Variants in SHTN1 observed in about 807,000 individuals in gnomAD.
SHTN1 encodes shootin 1.
In SHTN1, 42 loss-of-function variants were observed where a neutral mutation model predicts 83.1. The ratio of observed to expected loss-of-function variants is 0.51; its 90% CI spans 0.39 to 0.65. The LOEUF (loss-of-function observed/expected upper bound fraction) is 0.65, where lower values mean the gene tolerates loss of function less well. SHTN1 is among the 30% of genes least tolerant of loss of function. The pLI, the probability that SHTN1 is intolerant of heterozygous loss-of-function variation, is 0.00. For missense variants in SHTN1, 622 were observed against 737.8 expected (o/e 0.84, Z 1.82); for synonymous variants, 224 against 247.7 (o/e 0.90, Z 0.90).
At chr10:117,059,357 G>C (rs570768779) in intron 1 of SHTN1, among the ~76,000 whole-genome samples, 33 of 152,178 alleles carry the variant, frequency 2.2e-4, no homozygotes, top group Middle Eastern at 6.8e-3. Context: ...ATTGCACTCT[G>C]GGCATTTATT....
chr10:116,922,431 T>G (rs957345915), intron 11 of SHTN1, among the ~76,000 whole-genome samples: 2 of 151,928 alleles, frequency 1.3e-5, no homozygotes, highest in African/African-American at 2.4e-5. Flanking sequence ...AAAATATATG[T>G]ATCTTATGAG....
At chr10:116,994,423 T>G (rs987709183) in intron 1 of SHTN1, among the ~76,000 whole-genome samples, 36 of 152,084 alleles carry the variant, frequency 2.4e-4, no homozygotes, top group African/African-American at 8.4e-4. Context: ...AAACTAAAAT[T>G]TGGTCTTTTT....
At chr10:116,993,988 T>C (rs1851538861) in intron 1 of SHTN1, among the ~76,000 whole-genome samples, 1 of 152,166 alleles carries the variant, frequency 6.6e-6, no homozygotes, top group African/African-American at 2.4e-5. Context: ...TAGCAAGCTT[T>C]AAAAATTGTA....
chr10:116,969,072 T>C (rs1037561286), intron 2 of SHTN1, among the ~76,000 whole-genome samples: 1 of 152,238 alleles, frequency 6.6e-6, no homozygotes, highest in Non-Finnish European at 1.5e-5. Flanking sequence ...CTCATGTACA[T>C]GTCTGATTCC....
intron 1 of SHTN1, among the ~76,000 whole-genome samples, chr10:117,066,033 C>T (rs1852995842): frequency 6.6e-6 from 1 of 151,438 alleles, no homozygotes; most frequent in African/African-American, 2.4e-5. Flanking sequence ...CCACTGCACT[C>T]CAGCCTGGGC....
intron 1 of SHTN1, among the ~76,000 whole-genome samples, chr10:117,119,689 A>T (rs1361607451): frequency 6.6e-6 from 1 of 152,214 alleles, no homozygotes; most frequent in Admixed American, 6.5e-5. Flanking sequence ...AAAAGAAATC[A>T]GTACATCAAA....
At chr10:117,035,774 C>T (rs1403999246) in intron 2 of SHTN1, among the ~76,000 whole-genome samples, 2 of 151,148 alleles carry the variant, frequency 1.3e-5, no homozygotes, top group Non-Finnish European at 2.9e-5. Flanking sequence ...GGAGAAACCC[C>T]GTCTCTACTA....
intron 10 of SHTN1, among the ~76,000 whole-genome samples, chr10:116,928,923 TTA>T (rs1848848665): frequency 6.6e-6 from 1 of 152,204 alleles, no homozygotes. Context: ...GATTTGAACC[TTA>T]TATATTTCCA....
Position 117,104,388 on chromosome 10 carries a change from T to C in SHTN1, c.-189+21919A>G, listed in dbSNP as rs550342934. The stretch of plus-strand genomic sequence containing the variant: ...ATAGTTATTTGGGTACAAGAGTGTC[T>C]TCCTCCATTAGGGCTGTTCCTCAGC... On this transcript the variant is annotated intron_variant, in intron 1 of 17. Transcript: ENST00000392901. Among the ~76,000 whole-genome samples the C allele has an allele frequency of 7.0e-4, 107 of 152,330 alleles. 1 individual carries two copies. Among genetic ancestry groups the C allele is most frequent in the Middle Eastern group, 3.4e-3 (1 of 294 alleles).
intron 1 of SHTN1, among the ~76,000 whole-genome samples, chr10:117,052,222 G>A (rs1285777800): frequency 6.6e-6 from 1 of 151,116 alleles, no homozygotes; most frequent in African/African-American, 2.4e-5. Context: ...ATTTACCCAA[G>A]GAGATGTAAG....
chr10:117,122,098 A>C (rs1237962083), intron 1 of SHTN1, among the ~76,000 whole-genome samples: 1 of 152,168 alleles, frequency 6.6e-6, no homozygotes, highest in African/African-American at 2.4e-5. Flanking sequence ...ATAATAACCT[A>C]ATACAATGTA....
intron 1 of SHTN1, among the ~76,000 whole-genome samples, chr10:117,092,880 A>T (rs1045029175): frequency 1.3e-5 from 2 of 152,156 alleles, no homozygotes; most frequent in African/African-American, 4.8e-5. Context: ...GCTCATAGAT[A>T]AGAAATGCCT....
intron 16 of SHTN1, among the ~76,000 whole-genome samples, chr10:116,893,445 A>G (rs1847403081): frequency 6.6e-6 from 1 of 152,128 alleles, no homozygotes; most frequent in Non-Finnish European, 1.5e-5. Context: ...CTTTAATTGT[A>G]TAAGAGCATC....
chr10:117,119,907 T>G (rs1470842573), intron 1 of SHTN1, among the ~76,000 whole-genome samples: 1 of 152,010 alleles, frequency 6.6e-6, no homozygotes, highest in African/African-American at 2.4e-5. Context: ...GTCATTACGT[T>G]AAGTGAAATA....
At chr10:117,053,024 A>AACAAAAAAAAAAAAAAAAAAAAAAAAAAG (rs1554934280) in intron 1 of SHTN1, among the ~76,000 whole-genome samples, 1 of 51,282 alleles carries the variant, frequency 1.9e-5, no homozygotes, top group African/African-American at 3.9e-5. Context: ...TGTCTCAAAA[A>AACAAAAAAAAAAAAAAAAAAAAAAAAAAG]AAAAAAGAAT....
At chr10:117,104,864 G>C (rs1853650939) in intron 1 of SHTN1, among the ~76,000 whole-genome samples, 1 of 151,632 alleles carries the variant, frequency 6.6e-6, no homozygotes, top group African/African-American at 2.4e-5. Context: ...TCTCCAAAGT[G>C]AAAATCTAGT....
intron 1 of SHTN1, among the ~76,000 whole-genome samples, chr10:116,981,602 C>CA (rs1217166116): frequency 6.6e-6 from 1 of 151,996 alleles, no homozygotes; most frequent in East Asian, 1.9e-4. Flanking sequence ...TAAATTGTTT[C>CA]AAAAAACAGA....
intron 2 of SHTN1, among the ~76,000 whole-genome samples, chr10:117,022,056 T>C (rs1181743284): frequency 6.6e-6 from 1 of 152,134 alleles, no homozygotes; most frequent in Non-Finnish European, 1.5e-5. Flanking sequence ...CACAACACTA[T>C]ATCATTAATT....
At chr10:117,120,164 A>G (rs1421447038) in intron 1 of SHTN1, among the ~76,000 whole-genome samples, 6 of 152,224 alleles carry the variant, frequency 3.9e-5, no homozygotes, top group South Asian at 2.1e-4. Context: ...ACATTTAAAA[A>G]TAACTGAAAA....
Sources: allele counts gnomAD v4.1 joint callset (sites outside exome capture counted in the v4.1 genomes callset), GRCh38; gene constraint gnomAD v4.1.1; transcripts MANE v1.5; gene names NCBI Gene and HGNC (gene_info 2026-07-23, HGNC 2026-07-21).